DUSP2: variants seen among roughly 807,000 people sequenced by gnomAD.
The protein encoded by DUSP2 is dual specificity protein phosphatase 2.
A neutral mutation model predicts 23.3 loss-of-function variants in DUSP2; 20 were observed. That is an observed-to-expected ratio of 0.86 (90% CI 0.60 to 1.25). The LOEUF (loss-of-function observed/expected upper bound fraction) is 1.25, where lower values mean the gene tolerates loss of function less well. DUSP2 is among the 50% of genes most tolerant of loss of function. The probability of loss-of-function intolerance (pLI) is 0.00; values close to 1 mark genes in which losing one functional copy is unlikely to be tolerated. For synonymous variants in DUSP2, 231 were observed against 209.7 expected (o/e 1.10, Z -0.88); for missense variants, 435 against 452.6 (o/e 0.96, Z 0.35).
rs184429608 is a variant in DUSP2, at chr2:96,143,949, C to A, written c.819G>T (p.Met273Ile). ...RSATICLAYLMQSRRVRLDEA... is the reference protein window; with the variant it reads ...RSATICLAYLIQSRRVRLDEA... ...CGTCCAGCCGCACACGGCGACTCTG[C>A]ATGAGGTATGCCAGACAGATGGTGG... Residue 273 changes from methionine to isoleucine, a missense_variant, in exon 4 of 4, where the codon ATG becomes ATT. Met to Ile is a conservative substitution (Grantham distance 10). Transcript: ENST00000288943. 6.2e-7 allele frequency: 1 copy of A among 1,613,844 alleles called. No homozygotes were observed. Among genetic ancestry groups the A allele is most frequent in the Non-Finnish European group, 8.5e-7 (1 of 1,180,020 alleles).
Position 96,144,797 on chromosome 2 carries a change from G to A in DUSP2, c.474C>T (p.Thr158=). 1.3e-6 allele frequency: 2 copies of A among 1,586,270 alleles called. No individual in the cohort carries two copies. The highest frequency in any genetic ancestry group is 1.7e-6 in the Non-Finnish European group (2 of 1,167,640). The change falls in exon 2 of 4, where the codon ACC becomes ACT. Residue 158 remains threonine, a synonymous_variant. Coordinates refer to ENST00000288943, the MANE Select transcript of DUSP2 (RefSeq NM_004418.4). ...APALPPTGDK[T]SRSDSRAPVY... ...CAGGAGCCCTGGAGTCGGAGCGGCT[G>A]GTTTTGTCCCCTGTTGGCGGCAGCG...
rs950197376 is a variant in DUSP2, at chr2:96,144,628, A to AAC, written c.510+131_510+132dup. On this transcript the variant is annotated intron_variant, in intron 2 of 3. Coordinates refer to ENST00000288943, the MANE Select transcript of DUSP2 (RefSeq NM_004418.4). Reference sequence around the variant, plus strand: ...GCAGCCATGCCCCACCCCCTCCCCCAACACACACACGTATAAAAGTGTGTG... The same window carrying AAC: ...GCAGCCATGCCCCACCCCCTCCCCCAACACACACACACGTATAAAAGTGTGTG... 15 of 890,836 alleles carry AAC rather than the reference A, an allele frequency of 1.7e-5. No homozygotes were observed. In the Admixed American group the frequency reaches 2.0e-4, roughly 12 times the overall value. The allele number at this position is 890,836 out of a possible 1,614,324, so 55.2% of individuals were successfully genotyped here. A position where few individuals can be genotyped will look rare whatever the true frequency, so the allele number is the denominator to read the frequency against.
Position 96,144,902 on chromosome 2 carries a change from AC to A in DUSP2, c.389-21del. 6.5e-7 allele frequency: 1 copy of A among 1,548,598 alleles called. No individual in the cohort carries two copies. Among genetic ancestry groups the A allele is most frequent in the South Asian group, 1.2e-5 (1 of 83,842 alleles). On this transcript the variant is annotated intron_variant, in intron 1 of 3. Transcript: ENST00000288943. ...AGCCTCCTGCAAGGAGGGGAAGAGC[AC>A]GATCAGCAGGGAAAGCCGGGCTGGA...
chr2:96,144,514 T>TCA, intron 2 of DUSP2, 141 bp from the exon 3 acceptor site: 1 of 826,520 alleles, frequency 1.2e-6, no homozygotes, highest in Non-Finnish European at 1.9e-6. Flanking sequence ...GTCTCAGGAA[T>TCA]GTGCGGAGGA....
chr2:96,144,520 G>T, intron 2 of DUSP2, 147 bp from the exon 3 acceptor site: 1 of 804,390 alleles, frequency 1.2e-6, no homozygotes. Context: ...GGAATGTGCG[G>T]AGGACACACC....
Position 96,143,657 on chromosome 2 carries a change from C to G in DUSP2, c.*166G>C, listed in dbSNP as rs749520869. 3.7e-6 allele frequency: 3 copies of G among 820,126 alleles called. No individual in the cohort carries two copies. The highest frequency in any genetic ancestry group is 5.7e-6 in the Non-Finnish European group (3 of 528,746). 50.8% of individuals were successfully genotyped at this position (820,126 alleles called of 1,614,324 possible). On this transcript the variant is annotated 3_prime_UTR_variant, in exon 4 of 4. Transcript: ENST00000288943. Reference sequence around the variant, plus strand: ...GCAGAAGAGCACCAGGTCGGAAAGACCAGCATGCCGGCATTCCTAGAGCCC... The same window carrying G: ...GCAGAAGAGCACCAGGTCGGAAAGAGCAGCATGCCGGCATTCCTAGAGCCC...
chr2:96,144,977 G>A lies in DUSP2; in HGVS notation c.378C>T (p.Tyr126=), dbSNP rs1364514451. The part of the protein sequence containing the change: ...HETRAGPTAV[Y]FLRGGFDGFQ... ...GGCCGGCTTGCTCACCTCGCAGGAA[G>A]TACACGGCAGTGGGCCCCGCGCGGG... The change falls in exon 1 of 4, where the codon TAC becomes TAT. Residue 126 remains tyrosine, a synonymous_variant. Transcript: ENST00000288943. 3 of 1,545,544 alleles carry A rather than the reference G, an allele frequency of 1.9e-6. No individual in the cohort carries two copies. The highest frequency in any genetic ancestry group is 1.4e-5 in the African/African-American group (1 of 73,726).
chr2:96,144,689 G>T, intron 2 of DUSP2, 72 bp downstream of exon 2: 1 of 1,355,622 alleles, frequency 7.4e-7, no homozygotes, highest in Non-Finnish European at 1.0e-6. Context: ...CAAATGGCAG[G>T]CTCTTTCCCT....
Position 96,144,961 on chromosome 2 carries a change from G to T in DUSP2, c.388+6C>A. 6.5e-7 allele frequency: 1 copy of T among 1,545,984 alleles called. No individual in the cohort carries two copies. The highest frequency in any genetic ancestry group is 1.4e-5 in the African/African-American group (1 of 73,532). On this transcript the variant is annotated splice_donor_region_variant and intron_variant, in intron 1 of 3. Coordinates refer to ENST00000288943, the MANE Select transcript of DUSP2 (RefSeq NM_004418.4). The stretch of plus-strand genomic sequence containing the variant: ...GGGGCGGGCCAAGGGCGGCCGGCTT[G>T]CTCACCTCGCAGGAAGTACACGGCA...
At chr2:96,144,737 CG>C (rs1558721624) in intron 2 of DUSP2, 23 bp downstream of exon 2, 11 of 1,526,970 alleles carry the variant, frequency 7.2e-6, no homozygotes, top group African/African-American at 1.4e-5. Context: ...GAGGGAGGTT[CG>C]GGGGAGGGGG....
In DUSP2 at chr2:96,145,114, C is replaced by T. The variant is rs1281709853; in HGVS notation, c.241G>A (p.Val81Ile). Residue 81 changes from valine to isoleucine, a missense_variant, in exon 1 of 4, where the codon GTC (valine) becomes ATC (isoleucine). Coordinates refer to ENST00000288943, the MANE Select transcript of DUSP2 (RefSeq NM_004418.4). ...LPDRALRTRL[V>I]RGELARAVVL... ...ACGGCCCGCGCCAGCTCCCCGCGGA[C>T]CAGGCGCGTCCGCAGCGCGCGGTCG... 5.8e-6 allele frequency: 8 copies of T among 1,373,348 alleles called. No individual in the cohort carries two copies. Among genetic ancestry groups the T allele is most frequent in the Non-Finnish European group, 7.4e-6 (8 of 1,074,434 alleles). The allele number at this position is 1,373,348 out of a possible 1,614,324, so 85.1% of individuals were successfully genotyped here.
At chr2:96,144,690 C>T in intron 2 of DUSP2, 71 bp downstream of exon 2, 1 of 1,371,728 alleles carries the variant, frequency 7.3e-7, no homozygotes, top group Non-Finnish European at 9.8e-7. Flanking sequence ...AAATGGCAGG[C>T]TCTTTCCCTA....
intron 2 of DUSP2, 23 bp downstream of exon 2, chr2:96,144,738 G>A (rs753494105): frequency 5.2e-6 from 8 of 1,529,292 alleles, no homozygotes; most frequent in Admixed American, 2.1e-5. Flanking sequence ...AGGGAGGTTC[G>A]GGGGAGGGGG....
rs1216476391 is a variant in DUSP2, at chr2:96,145,237, G to T, written c.118C>A (p.Arg40=). 2 of 1,277,360 alleles carry T rather than the reference G, an allele frequency of 1.6e-6. No individual in the cohort carries two copies. The highest frequency in any genetic ancestry group is 2.0e-6 in the Non-Finnish European group (2 of 1,019,044). The allele number at this position is 1,277,360 out of a possible 1,614,324, so 79.1% of individuals were successfully genotyped here. ...GGCCGCGCGGCGCGCACGTGGCGCC[G>T]GCAGAAGGCCAGGAAGGGGCGGCAG... ...LDCRPFLAFC[R]RHVRAARPVP... The change falls in exon 1 of 4, where the codon CGG becomes AGG. Residue 40 remains arginine, a synonymous_variant. Coordinates refer to ENST00000288943, the MANE Select transcript of DUSP2 (RefSeq NM_004418.4).
In DUSP2 at chr2:96,144,808, C is replaced by G; in HGVS notation, c.463G>C (p.Gly155Arg). 1 of 1,577,896 alleles carries G rather than the reference C, an allele frequency of 6.3e-7. No individual in the cohort carries two copies. ...GAGTCGGAGCGGCTGGTTTTGTCCC[C>G]TGTTGGCGGCAGCGCAGGGGCGGGG... The part of the protein sequence containing the change: ...EAPAPALPPT[G>R]DKTSRSDSRA... Residue 155 changes from glycine (G) to arginine (R), a missense_variant, in exon 2 of 4, where the codon GGG becomes CGG. Gly to Arg is a moderately radical substitution (Grantham distance 125). Coordinates refer to ENST00000288943, the MANE Select transcript of DUSP2 (RefSeq NM_004418.4).
At position 96,144,271 on chromosome 2, in the gene DUSP2, C is replaced by A; in HGVS notation, c.613G>T (p.Val205Leu). The A allele has an allele frequency of 6.2e-7, 1 of 1,613,942 alleles. No homozygotes were observed. Among genetic ancestry groups the A allele is most frequent in the Non-Finnish European group, 8.5e-7 (1 of 1,180,036 alleles). Residue 205 changes from valine (V) to leucine (L), a missense_variant, in exon 3 of 4, where the codon GTG (valine) becomes TTG (leucine). Coordinates refer to ENST00000288943, the MANE Select transcript of DUSP2 (RefSeq NM_004418.4). ...QACGITAVLN[V>L]SASCPNHFEG... ...AAGTGGTTGGGGCAGCTGGCGGACACGTTGAGGACGGCTGTGATGCCACAG... is the reference window on the plus strand; with the variant it reads ...AAGTGGTTGGGGCAGCTGGCGGACAAGTTGAGGACGGCTGTGATGCCACAG...
At position 96,144,332 on chromosome 2, in the gene DUSP2, G is replaced by C; in HGVS notation, c.552C>G (p.Ser184Arg). ...CCTGCAGGTCTGACGAGTGACTGCA[G>C]CTGCCCAGGAACAGGTAGGGCAAGA... ...VEILPYLFLGSCSHSSDLQGL... is the reference protein window; with the variant it reads ...VEILPYLFLGRCSHSSDLQGL... Residue 184 changes from serine to arginine, a missense_variant, in exon 3 of 4, where the codon AGC (serine) becomes AGG (arginine). By Grantham distance (110) the Ser-to-Arg change is moderately radical. Coordinates refer to ENST00000288943, the MANE Select transcript of DUSP2 (RefSeq NM_004418.4). The C allele has an allele frequency of 6.2e-7, 1 of 1,613,692 alleles. No individual in the cohort carries two copies. The highest frequency in any genetic ancestry group is 8.5e-7 in the Non-Finnish European group (1 of 1,179,976).
intron 2 of DUSP2, 149 bp from the exon 3 acceptor site, chr2:96,144,522 G>C (rs1682466767): frequency 1.3e-6 from 1 of 765,486 alleles, no homozygotes; most frequent in South Asian, 1.8e-5. Context: ...AATGTGCGGA[G>C]GACACACCGG....
At position 96,143,513 on chromosome 2, in the gene DUSP2, G is replaced by A. The variant is rs975087448; in HGVS notation, c.*310C>T. The A allele has an allele frequency of 3.9e-4, 119 of 301,744 alleles. No homozygotes were observed. Among genetic ancestry groups the A allele is most frequent in the African/African-American group, 2.1e-3 (97 of 46,476 alleles). 18.7% of individuals were successfully genotyped at this position (301,744 alleles called of 1,614,324 possible). On this transcript the variant is annotated 3_prime_UTR_variant, in exon 4 of 4. Transcript: ENST00000288943. Reference sequence around the variant, plus strand: ...GGCTGCCAAGGGCTTCAACATGGTGGTGGACCAGGGAGAGTCCACGGTATA... The same window carrying A: ...GGCTGCCAAGGGCTTCAACATGGTGATGGACCAGGGAGAGTCCACGGTATA...
Sources: gnomAD v4.1 joint callset for allele counts on GRCh38, gnomAD v4.1.1 for gene constraint, MANE v1.5 for transcripts, NCBI Gene and HGNC (gene_info 2026-07-23, HGNC 2026-07-21) for gene names.